The following GGNBP2 variants were observed in gnomAD, a reference collection of about 807,000 sequenced individuals.
GGNBP2 encodes gametogenetin binding protein 2, also known as gametogenetin-binding protein 2.
A neutral mutation model predicts 85.9 loss-of-function variants in GGNBP2; 10 were observed. That is an observed-to-expected ratio of 0.12 (90% CI 0.07 to 0.20). GGNBP2 has a LOEUF of 0.20. GGNBP2 is among the 10% of genes least tolerant of loss of function. The pLI is 1.00. For missense variants in GGNBP2, 595 were observed against 857.8 expected, an observed-to-expected ratio of 0.69 and a Z score of 3.83; for synonymous variants, 287 against 285.7, an observed-to-expected ratio of 1.00 and a Z score of -0.05.
intron 2 of GGNBP2, among the ~76,000 whole-genome samples, chr17:36,552,922 T>C (rs1161669487): frequency 2.0e-5 from 3 of 149,472 alleles, no homozygotes; most frequent in African/African-American, 7.4e-5. Flanking sequence ...CTCAGGAGGC[T>C]GAGGCAGGAG....
intron 7 of GGNBP2, 29 bp downstream of exon 7, chr17:36,578,215 C>G: frequency 6.6e-7 from 1 of 1,524,164 alleles, no homozygotes; most frequent in Non-Finnish European, 9.0e-7. Flanking sequence ...CTAGAATGGG[C>G]TATCTAGCGC....
chr17:36,554,393 G>A (rs1196714497), intron 2 of GGNBP2, among the ~76,000 whole-genome samples: 1 of 66,398 alleles, frequency 1.5e-5, no homozygotes, highest in African/African-American at 6.8e-5. Context: ...TTTTGACAGA[G>A]TTTCACTCTT....
intron 9 of GGNBP2, among the ~76,000 whole-genome samples, chr17:36,583,273 C>T (rs184218102): frequency 6.6e-6 from 1 of 151,768 alleles, no homozygotes; most frequent in Admixed American, 6.6e-5. Context: ...AGGATGGCCT[C>T]GATCTCTTGA....
intron 6 of GGNBP2, among the ~76,000 whole-genome samples, chr17:36,569,770 C>T (rs2074504633): frequency 6.6e-6 from 1 of 152,170 alleles, no homozygotes; most frequent in African/African-American, 2.4e-5. Context: ...TATCCTTCCT[C>T]TTTAAATATG....
chr17:36,579,086 C>T (rs2074619328), intron 7 of GGNBP2, 159 bp from the exon 8 acceptor site: 1 of 596,972 alleles, frequency 1.7e-6, no homozygotes. Flanking sequence ...TGGTTGTGGA[C>T]ATGCATGCTT....
At chr17:36,554,056 G>C (rs1361266614) in intron 2 of GGNBP2, among the ~76,000 whole-genome samples, 1 of 152,084 alleles carries the variant, frequency 6.6e-6, no homozygotes, top group Non-Finnish European at 1.5e-5. Context: ...GCCAGGCACA[G>C]TGGCTCACGA....
chr17:36,573,516 C>G (rs1348779954), intron 6 of GGNBP2, among the ~76,000 whole-genome samples: 1 of 152,194 alleles, frequency 6.6e-6, no homozygotes, highest in East Asian at 1.9e-4. Flanking sequence ...CTTCAAGATC[C>G]TTGCTATCAG....
At chr17:36,560,729 A>G in intron 4 of GGNBP2, 44 bp from the exon 5 acceptor site, 1 of 1,107,962 alleles carries the variant, frequency 9.0e-7, no homozygotes. Context: ...TAAAATTTGA[A>G]AGTAAAATGA....
At position 36,560,796 on chromosome 17, in the gene GGNBP2, A is replaced by G; in HGVS notation, c.452A>G (p.Asp151Gly). ...VHGSKLNDMI[D>G]AIPKSKKNKR... ...AGGTCCAAACTAAATGACATGATAG[A>G]TGCTATTCCAAAAAGTAAGAAGAAT... Residue 151 changes from aspartate to glycine, a missense_variant, in exon 5 of 14, where the codon GAT (aspartate) becomes GGT (glycine). By Grantham distance (94) the Asp-to-Gly change is moderately conservative. Coordinates refer to ENST00000613102, the MANE Select transcript of GGNBP2 (RefSeq NM_024835.5). 2 of 1,587,756 alleles carry G rather than the reference A, an allele frequency of 1.3e-6. No homozygotes were observed. The highest frequency in any genetic ancestry group is 8.6e-7 in the Non-Finnish European group (1 of 1,163,288).
intron 4 of GGNBP2, 110 bp downstream of exon 4, chr17:36,557,446 A>T: frequency 1.1e-6 from 1 of 941,606 alleles, no homozygotes; most frequent in Non-Finnish European, 1.6e-6. Context: ...TAATAATTTT[A>T]TTGAGTAAGT....
At position 36,589,381 on chromosome 17, in the gene GGNBP2, T is replaced by C. The variant is rs201768628; in HGVS notation, c.2064T>C (p.Ser688=). The C allele has an allele frequency of 6.3e-5, 101 of 1,613,828 alleles. No homozygotes were observed. The highest frequency in any genetic ancestry group is 1.7e-5 in the Admixed American group (1 of 59,996). The part of the protein sequence containing the change: ...RLNDHKRPIC[S]GWLTTAGAN ...ATGATCACAAGAGGCCCATTTGTAG[T>C]GGCTGGTTGACAACGGCTGGAGCAA... Residue 688 remains serine (S), a synonymous_variant, in exon 14 of 14, where the codon AGT becomes AGC. Coordinates refer to ENST00000613102, the MANE Select transcript of GGNBP2 (RefSeq NM_024835.5).
At chr17:36,578,278 CATATG>C in intron 7 of GGNBP2, 92 bp downstream of exon 7, 1 of 925,386 alleles carries the variant, frequency 1.1e-6, no homozygotes, top group Non-Finnish European at 1.6e-6. Context: ...TGCCTCAGTA[CATATG>C]ATATATGTAT....
chr17:36,589,690 A>G lies in GGNBP2; in HGVS notation c.*279A>G. On this transcript the variant is annotated 3_prime_UTR_variant, in exon 14 of 14. Transcript: ENST00000613102. ...GACTTACTAAAGCAACTTAGTGGCA[A>G]AAAGTAATGTTGTACTTATAATTCT... is the stretch of plus-strand genomic sequence containing the variant. 2.2e-6 allele frequency: 1 copy of G among 453,510 alleles called. No homozygotes were observed. The highest frequency in any genetic ancestry group is 3.9e-6 in the Non-Finnish European group (1 of 255,182). The allele number at this position is 453,510 out of a possible 1,614,324, so 28.1% of individuals were successfully genotyped here.
intron 6 of GGNBP2, among the ~76,000 whole-genome samples, chr17:36,572,162 G>C (rs905673397): frequency 6.6e-6 from 1 of 152,104 alleles, no homozygotes; most frequent in Non-Finnish European, 1.5e-5. Flanking sequence ...TATGCTTATA[G>C]TTGTACAATC....
Position 36,567,756 on chromosome 17 carries a change from A to G in GGNBP2, c.621A>G (p.Glu207=). 6.3e-7 allele frequency: 1 copy of G among 1,590,960 alleles called. No homozygotes were observed. Among genetic ancestry groups the G allele is most frequent in the Admixed American group, 1.7e-5 (1 of 59,868 alleles). ...IDSSCLLETL[E]TYLRKHRFCT... ...CGAGTTGTCTTTTAGAAACACTAGA[A>G]ACATATCTGCGAAAACACAGGTAAG... Residue 207 remains glutamate, a synonymous_variant, in exon 6 of 14, where the codon GAA becomes GAG. Coordinates refer to ENST00000613102, the MANE Select transcript of GGNBP2 (RefSeq NM_024835.5).
chr17:36,554,865 C>G lies in GGNBP2; in HGVS notation c.139C>G (p.Gln47Glu), dbSNP rs764880764. 1 of 1,609,958 alleles carries G rather than the reference C, an allele frequency of 6.2e-7. No homozygotes were observed. Among genetic ancestry groups the G allele is most frequent in the Non-Finnish European group, 8.5e-7 (1 of 1,176,204 alleles). Residue 47 changes from glutamine (Q) to glutamate (E), a missense_variant, in exon 3 of 14, where the codon CAG becomes GAG. Around this residue, in one of 9 missense-constraint regions of GGNBP2, gnomAD observed 216 missense variants for 293.4 expected, o/e 0.74. Transcript: ENST00000613102. ...PDNVLNLDGH[Q>E]NNGAQLKQFI... ...TAATGTGTTAAATCTCGATGGACATCAGAATAATGGTGCACAGCTAAAGCA... is the reference window on the plus strand; with the variant it reads ...TAATGTGTTAAATCTCGATGGACATGAGAATAATGGTGCACAGCTAAAGCA...
chr17:36,574,823 T>C, intron 6 of GGNBP2: 1 of 678,708 alleles, frequency 1.5e-6, no homozygotes. Context: ...CTTGCTGATC[T>C]TGTTCCCCCA....
At chr17:36,563,898 C>T (rs1410744969) in intron 5 of GGNBP2, among the ~76,000 whole-genome samples, 1 of 151,980 alleles carries the variant, frequency 6.6e-6, no homozygotes, top group Non-Finnish European at 1.5e-5. Flanking sequence ...CACCTGCTAC[C>T]ATGCCCGGCT....
In GGNBP2 at chr17:36,557,966, G is replaced by A. The variant is rs186893361; in HGVS notation, c.428+630G>A. The stretch of plus-strand genomic sequence containing the variant: ...ATCTCTACTAAAAATACAAAAATTA[G>A]CTGAGCATGGTGGCGCATGGCTGTC... On this transcript the variant is annotated intron_variant, in intron 4 of 13. Coordinates refer to ENST00000613102, the MANE Select transcript of GGNBP2 (RefSeq NM_024835.5). Among the ~76,000 whole-genome samples, 13 of 152,036 alleles carry A rather than the reference G, an allele frequency of 8.6e-5. No homozygotes were observed. The East Asian group carries it at 2.5e-3, about 29-fold the overall frequency.
Sources: allele counts gnomAD v4.1 joint callset (sites outside exome capture counted in the v4.1 genomes callset), GRCh38; gene constraint gnomAD v4.1.1; regional missense constraint gnomAD v4.1.1; transcripts MANE v1.5; gene names NCBI Gene and HGNC (gene_info 2026-07-23, HGNC 2026-07-21).